PCSK5: variants seen among roughly 807,000 people sequenced by gnomAD.
The protein encoded by PCSK5 is prohormone convertase 5.
Under a neutral mutation model 233.2 loss-of-function variants are expected in PCSK5, and 129 were observed. That is an observed-to-expected ratio of 0.55 (90% CI 0.48 to 0.64). The LOEUF (loss-of-function observed/expected upper bound fraction) is 0.64. Among genes scored for constraint, PCSK5 ranks in the 30% least tolerant of loss-of-function variants. The pLI is 0.00. For missense variants in PCSK5, 2,076 were observed against 2,430.1 expected (o/e 0.85, Z 3.06); for synonymous variants, 825 against 879.2 (o/e 0.94, Z 1.09).
intron 24 of PCSK5, among the ~76,000 whole-genome samples, chr9:76,284,914 G>A (rs1042652533): frequency 1.5e-4 from 23 of 152,076 alleles, no homozygotes; most frequent in African/African-American, 4.6e-4. Context: ...TCATGCACTA[G>A]TACATAATAA....
chr9:75,909,507 C>T (rs1362840476), intron 1 of PCSK5, among the ~76,000 whole-genome samples: 1 of 151,978 alleles, frequency 6.6e-6, no homozygotes, highest in African/African-American at 2.4e-5. Flanking sequence ...ACCAGCCTGA[C>T]CAAAATGGAG....
chr9:76,315,315 C>A lies in PCSK5; in HGVS notation c.3884+4464C>A, dbSNP rs144814508. On this transcript the variant is annotated intron_variant, in intron 30 of 37. Transcript: ENST00000674117. ...AAAACTTAAGGTGGACTCACATTCA[C>A]CAAATGTGAACAGATTTGAAGCTCT... Among the ~76,000 whole-genome samples the A allele has an allele frequency of 6.5e-4, 99 of 152,210 alleles. 1 individual carries two copies. The highest frequency in any genetic ancestry group is 2.3e-3 in the African/African-American group (96 of 41,532).
intron 7 of PCSK5, among the ~76,000 whole-genome samples, chr9:76,082,984 G>A (rs1344725603): frequency 6.6e-6 from 1 of 151,928 alleles, no homozygotes; most frequent in Non-Finnish European, 1.5e-5. Context: ...CAAGGCGGGT[G>A]GATCACTTGC....
chr9:75,910,629 G>T (rs1299293226), intron 1 of PCSK5, among the ~76,000 whole-genome samples: 2 of 151,766 alleles, frequency 1.3e-5, no homozygotes, highest in Non-Finnish European at 2.9e-5. Flanking sequence ...TGTGTTGCAG[G>T]TTGTCTTTTA....
intron 5 of PCSK5, among the ~76,000 whole-genome samples, chr9:76,046,160 G>GTTTTTTTTTTTTTTTTTTTTTTTTTTT (rs71372041): frequency 1.7e-5 from 1 of 58,024 alleles, no homozygotes; most frequent in Non-Finnish European, 3.1e-5. Context: ...TTTTTCTTTT[G>GTTTTTTTTTTTTTTTTTTTTTTTTTTT]TTTTTTTTTT....
intron 24 of PCSK5, among the ~76,000 whole-genome samples, chr9:76,271,318 A>G (rs1282769248): frequency 6.6e-6 from 1 of 152,212 alleles, no homozygotes; most frequent in African/African-American, 2.4e-5. Flanking sequence ...TCCCCTCTGC[A>G]TTAACCTTCC....
intron 12 of PCSK5, among the ~76,000 whole-genome samples, chr9:76,161,681 G>T (rs1376318078): frequency 6.6e-6 from 1 of 152,182 alleles, no homozygotes; most frequent in Non-Finnish European, 1.5e-5. Flanking sequence ...CCCCTGAAAT[G>T]ACGTCAGTGA....
intron 7 of PCSK5, among the ~76,000 whole-genome samples, chr9:76,084,087 T>C (rs1830965280): frequency 6.6e-6 from 1 of 152,216 alleles, no homozygotes; most frequent in Non-Finnish European, 1.5e-5. Context: ...TTAGAAATTC[T>C]CCCTCAAGAT....
chr9:75,908,236 TCTC>T (rs1822490802), intron 1 of PCSK5, among the ~76,000 whole-genome samples: 1 of 152,212 alleles, frequency 6.6e-6, no homozygotes, highest in South Asian at 2.1e-4. Flanking sequence ...CCATTTGACC[TCTC>T]TTCTTTTATC....
chr9:76,117,509 G>C (rs547832468), intron 9 of PCSK5, among the ~76,000 whole-genome samples: 1 of 152,052 alleles, frequency 6.6e-6, no homozygotes, highest in Non-Finnish European at 1.5e-5. Flanking sequence ...ACTTACACTT[G>C]GTTTTTGTGA....
chr9:76,125,842 G>A (rs1350780624), intron 9 of PCSK5, among the ~76,000 whole-genome samples: 1 of 152,186 alleles, frequency 6.6e-6, no homozygotes. Flanking sequence ...AATGGTTGCT[G>A]CAGCTCCAAT....
At chr9:75,930,405 G>A (rs1382740264) in intron 1 of PCSK5, among the ~76,000 whole-genome samples, 1 of 152,148 alleles carries the variant, frequency 6.6e-6, no homozygotes, top group African/African-American at 2.4e-5. Context: ...CCCCTAGGTC[G>A]GAGGAGGAGA....
intron 20 of PCSK5, among the ~76,000 whole-genome samples, chr9:76,212,582 A>G (rs912009060): frequency 6.6e-6 from 1 of 152,186 alleles, no homozygotes; most frequent in African/African-American, 2.4e-5. Context: ...CAGCTTTCCT[A>G]TATTCCCAGG....
intron 7 of PCSK5, among the ~76,000 whole-genome samples, chr9:76,081,460 TAAATAAATAAATAAACAAACAAAC>T (rs1830832465): frequency 6.7e-6 from 1 of 148,510 alleles, no homozygotes; most frequent in African/African-American, 2.6e-5. Flanking sequence ...GTCTCAAAAA[TAAATAAATAAATAAACAAACAAAC>T]AAATAAATAA....
chr9:76,278,169 G>A (rs2131382788), intron 24 of PCSK5, among the ~76,000 whole-genome samples: 1 of 152,296 alleles, frequency 6.6e-6, no homozygotes, highest in East Asian at 1.9e-4. Flanking sequence ...CCCACTGAAA[G>A]CCACGAGTCT....
chr9:76,292,022 GA>G (rs1400589836), intron 24 of PCSK5, among the ~76,000 whole-genome samples: 1 of 152,110 alleles, frequency 6.6e-6, no homozygotes, highest in Non-Finnish European at 1.5e-5. Flanking sequence ...GTGTTTATGA[GA>G]ATTCTTACTA....
intron 5 of PCSK5, among the ~76,000 whole-genome samples, chr9:76,032,247 T>C (rs1298208913): frequency 6.6e-6 from 1 of 152,190 alleles, no homozygotes; most frequent in African/African-American, 2.4e-5. Flanking sequence ...CATACTTGCC[T>C]GCGTTTGTTT....
intron 10 of PCSK5, among the ~76,000 whole-genome samples, chr9:76,146,937 A>G (rs1160783034): frequency 6.6e-6 from 1 of 152,176 alleles, no homozygotes; most frequent in Admixed American, 6.5e-5. Context: ...AATAAAATAC[A>G]TATGTAAGAT....
chr9:76,141,133 C>T (rs748025475), intron 10 of PCSK5, among the ~76,000 whole-genome samples: 40 of 152,166 alleles, frequency 2.6e-4, no homozygotes, highest in Non-Finnish European at 4.9e-4. Flanking sequence ...TAGAGGATGT[C>T]AGTCCAAAAG....
Sources: gnomAD v4.1 joint callset for allele counts (sites outside exome capture counted in the v4.1 genomes callset) on GRCh38, gnomAD v4.1.1 for gene constraint, MANE v1.5 for transcripts, NCBI Gene and HGNC (gene_info 2026-07-23, HGNC 2026-07-21) for gene names.